Variants in DMXL2 observed in about 807,000 individuals in gnomAD.
DMXL2 encodes the protein dmX-like protein 2.
A neutral mutation model predicts 331.1 loss-of-function variants in DMXL2; 103 were observed. That is an observed-to-expected ratio of 0.31 (90% CI 0.27 to 0.37). The LOEUF is 0.37. Ranked by LOEUF, DMXL2 falls within the 10% of genes least tolerant of loss-of-function variation. The pLI is 1.00. For missense variants in DMXL2, 3,171 were observed against 3,642.9 expected (o/e 0.87, Z 3.33); for synonymous variants, 1,281 against 1,252.1 (o/e 1.02, Z -0.49).
chr15:51,500,067 A>C lies in DMXL2; in HGVS notation c.3157T>G (p.Leu1053Val). The stretch of plus-strand genomic sequence containing the variant: ...TTATCTTCTCCTTCATCATTCATCA[A>C]AGGCCATCTCTTCCAATGATAAATT... ...KEIYHWKRWP[L>V]MNDEGEDNSS... Residue 1053 changes from leucine (L) to valine (V), a missense_variant, in exon 18 of 44, where the codon TTG becomes GTG. This residue lies in a region of DMXL2 where 1,674 missense variants were observed against 1,780.2 expected (regional missense o/e 0.94). Transcript: ENST00000560891. 6.2e-7 allele frequency: 1 copy of C among 1,614,148 alleles called. No homozygotes were observed. Among genetic ancestry groups the C allele is most frequent in the Non-Finnish European group, 8.5e-7 (1 of 1,180,022 alleles).
chr15:51,505,078 G>A (rs1214559688), intron 16 of DMXL2, among the ~76,000 whole-genome samples: 2 of 152,164 alleles, frequency 1.3e-5, no homozygotes, highest in African/African-American at 4.8e-5. Context: ...ACCAATCTCA[G>A]TGCCTGGCAC....
At position 51,460,083 on chromosome 15, in the gene DMXL2, T is replaced by C. The variant is rs1345914785; in HGVS notation, c.7927-423A>G. 1.5e-5 allele frequency: 14 copies of C among 937,772 alleles called. No individual in the cohort carries two copies. The African/African-American group carries it at 2.5e-4, about 17-fold the overall frequency. 58.1% of individuals were successfully genotyped at this position (937,772 alleles called of 1,614,324 possible). A position where few individuals can be genotyped will look rare whatever the true frequency, so the allele number is the denominator to read the frequency against. On this transcript the variant is annotated intron_variant, in intron 33 of 43. Coordinates refer to ENST00000560891, the MANE Select transcript of DMXL2 (RefSeq NM_001378457.1). ...TCTAAACATAGATTCAAAATATTGA[T>C]AATTATTTCACTCTTATAAGGAATA...
intron 1 of DMXL2, among the ~76,000 whole-genome samples, chr15:51,605,543 TTTTTTTTTTTTG>T (rs2053530147): frequency 6.5e-5 from 3 of 46,492 alleles, no homozygotes; most frequent in African/African-American, 2.6e-4. Flanking sequence ...TTTTTTTTTT[TTTTTTTTTTTTG>T]AGACGGAGTC....
chr15:51,530,134 G>C lies in DMXL2; in HGVS notation c.2436+5529C>G, dbSNP rs185894989. Among the ~76,000 whole-genome samples, 8 of 152,166 alleles carry C rather than the reference G, an allele frequency of 5.3e-5. No individual in the cohort carries two copies. In the East Asian group the frequency reaches 1.5e-3, roughly 29 times the overall value. Reference sequence around the variant, plus strand: ...CTATACCCTAGTATCATGCCGAATGGGGAAAAACTGAAAGCCTTTCCTCTA... The same window carrying C: ...CTATACCCTAGTATCATGCCGAATGCGGAAAAACTGAAAGCCTTTCCTCTA... On this transcript the variant is annotated intron_variant, in intron 13 of 43. Coordinates refer to ENST00000560891, the MANE Select transcript of DMXL2 (RefSeq NM_001378457.1).
intron 1 of DMXL2, among the ~76,000 whole-genome samples, chr15:51,594,816 T>C (rs1055631959): frequency 2.9e-4 from 44 of 152,216 alleles, no homozygotes; most frequent in Middle Eastern, 3.4e-3. Flanking sequence ...ACAAAAACCG[T>C]ATGATTATCT....
chr15:51,478,597 C>G (rs762753114), intron 25 of DMXL2, among the ~76,000 whole-genome samples: 2 of 151,978 alleles, frequency 1.3e-5, no homozygotes, highest in Non-Finnish European at 2.9e-5. Flanking sequence ...CTGCCGTTTA[C>G]GAGGCCCTGA....
chr15:51,473,702 G>A (rs1287493643), intron 28 of DMXL2, among the ~76,000 whole-genome samples: 4 of 152,054 alleles, frequency 2.6e-5, no homozygotes, highest in Non-Finnish European at 4.4e-5. Context: ...TCTTTCCTGC[G>A]GCATCAGTCT....
At chr15:51,567,586 G>C (rs2050376792) in intron 3 of DMXL2, 1 of 152,168 alleles carries the variant, frequency 6.6e-6, no homozygotes, top group South Asian at 2.1e-4. Context: ...ATAGCTGGAG[G>C]AAAAACATTC....
chr15:51,613,270 C>G (rs1039519091), intron 1 of DMXL2, among the ~76,000 whole-genome samples: 1 of 152,174 alleles, frequency 6.6e-6, no homozygotes, highest in African/African-American at 2.4e-5. Flanking sequence ...TGATAAATGT[C>G]CATGAAATCT....
intron 1 of DMXL2, among the ~76,000 whole-genome samples, chr15:51,594,069 G>C (rs1222262676): frequency 3.3e-5 from 5 of 152,080 alleles, no homozygotes; most frequent in Non-Finnish European, 7.3e-5. Flanking sequence ...TAAGATCAGA[G>C]CAGAACTGAA....
At chr15:51,615,019 C>A (rs573831017) in intron 1 of DMXL2, among the ~76,000 whole-genome samples, 1 of 152,036 alleles carries the variant, frequency 6.6e-6, no homozygotes, top group African/African-American at 2.4e-5. Flanking sequence ...AGATTCTGGA[C>A]GCATTTTGAA....
Position 51,464,976 on chromosome 15 carries a change from A to C in DMXL2, c.7607-100T>G, listed in dbSNP as rs1031072773. ...ATTCTCAGAGATAATACTTCTGAAA[A>C]TACAAATAAATCTGCAAATGTTAAT... is the stretch of plus-strand genomic sequence containing the variant. On this transcript the variant is annotated intron_variant, in intron 31 of 43. Coordinates refer to ENST00000560891, the MANE Select transcript of DMXL2 (RefSeq NM_001378457.1). 3 of 1,053,662 alleles carry C rather than the reference A, an allele frequency of 2.8e-6. No individual in the cohort carries two copies. The African/African-American group carries it at 4.9e-5, about 17-fold the overall frequency. The allele number at this position is 1,053,662 out of a possible 1,614,324, so 65.3% of individuals were successfully genotyped here.
intron 1 of DMXL2, among the ~76,000 whole-genome samples, chr15:51,594,167 T>A (rs908809331): frequency 1.3e-5 from 2 of 152,076 alleles, no homozygotes; most frequent in African/African-American, 4.8e-5. Flanking sequence ...GATAGACCAC[T>A]AGCAAGACTA....
At chr15:51,610,829 A>G (rs988238961) in intron 1 of DMXL2, among the ~76,000 whole-genome samples, 11 of 152,268 alleles carry the variant, frequency 7.2e-5, no homozygotes, top group Admixed American at 3.3e-4. Flanking sequence ...TAAAAAGACT[A>G]GAAGTACATA....
chr15:51,450,097 T>TTAGCACATTCCAACCTC, intron 43 of DMXL2, 32 bp downstream of exon 43: 1 of 1,595,414 alleles, frequency 6.3e-7, no homozygotes, highest in East Asian at 2.2e-5. Flanking sequence ...CAATCAGTCT[T>TTAGCACATTCCAACCTC]TAGCACATTC....
At chr15:51,458,411 A>T in intron 36 of DMXL2, 95 bp downstream of exon 36, 1 of 1,352,556 alleles carries the variant, frequency 7.4e-7, no homozygotes, top group Non-Finnish European at 1.0e-6. Context: ...AAGGAGATAC[A>T]CGTATACCTT....
chr15:51,457,274 A>G, intron 37 of DMXL2, 54 bp downstream of exon 37: 1 of 1,578,306 alleles, frequency 6.3e-7, no homozygotes, highest in East Asian at 2.3e-5. Flanking sequence ...AGAGATTCCA[A>G]CTGATTTTTC....
In DMXL2 at chr15:51,504,301, T is replaced by C. The variant is rs563300229; in HGVS notation, c.2765-1268A>G. Among the ~76,000 whole-genome samples, 4 of 152,340 alleles carry C rather than the reference T, an allele frequency of 2.6e-5. No homozygotes were observed. The East Asian group carries it at 7.7e-4, about 29-fold the overall frequency. ...AATTAGCTAGGGGCAAAGAAGACATTAGACTAGTAGCCTCCTATCAAGTAC... is the reference window on the plus strand; with the variant it reads ...AATTAGCTAGGGGCAAAGAAGACATCAGACTAGTAGCCTCCTATCAAGTAC... On this transcript the variant is annotated intron_variant, in intron 16 of 43. Coordinates refer to ENST00000560891, the MANE Select transcript of DMXL2 (RefSeq NM_001378457.1).
chr15:51,580,985 T>C (rs1470331681), intron 1 of DMXL2, among the ~76,000 whole-genome samples: 4 of 152,196 alleles, frequency 2.6e-5, no homozygotes, highest in Non-Finnish European at 5.9e-5. Flanking sequence ...CGAAAAATTG[T>C]ATTTAAAGTT....
Sources: gnomAD v4.1 joint callset for allele counts (sites outside exome capture counted in the v4.1 genomes callset) on GRCh38, gnomAD v4.1.1 for gene constraint, gnomAD v4.1.1 regional missense constraint, MANE v1.5 for transcripts, NCBI Gene and HGNC (gene_info 2026-07-23, HGNC 2026-07-21) for gene names.